ADCY9: variants seen among roughly 807,000 people sequenced by gnomAD.
ADCY9 encodes adenylate cyclase type 9.
In ADCY9, 50 loss-of-function variants were observed where a neutral mutation model predicts 101.5. The observed-to-expected ratio is 0.49, with a 90% CI of 0.39 to 0.62. The LOEUF (loss-of-function observed/expected upper bound fraction) is 0.62, where lower values mean the gene tolerates loss of function less well. Ranked by LOEUF, ADCY9 falls within the 20% of genes least tolerant of loss-of-function variation. The pLI, the probability that ADCY9 is intolerant of heterozygous loss-of-function variation, is 0.00. For synonymous variants in ADCY9, 905 were observed against 769.3 expected, an observed-to-expected ratio of 1.18 and a Z score of -2.92; for missense variants, 1,662 against 1,800.4, an observed-to-expected ratio of 0.92 and a Z score of 1.39.
chr16:4,079,250 T>C (rs766040737), intron 2 of ADCY9, among the ~76,000 whole-genome samples: 5 of 152,160 alleles, frequency 3.3e-5, no homozygotes, highest in Non-Finnish European at 7.3e-5. Flanking sequence ...AAAATCTAAG[T>C]CATTTAAAAT....
At chr16:3,960,663 AC>A (rs2055932365), downstream of ADCY9, among the ~76,000 whole-genome samples, 1 of 152,224 alleles carries the variant, frequency 6.6e-6, no homozygotes, top group African/African-American at 2.4e-5. Context: ...CGGAAAAAAA[AC>A]AATGAAGAAT....
intron 2 of ADCY9, among the ~76,000 whole-genome samples, chr16:4,105,663 G>A (rs987627471): frequency 7.3e-6 from 1 of 136,706 alleles, no homozygotes; most frequent in African/African-American, 2.8e-5. Flanking sequence ...CTGGGCAAGA[G>A]TGAGACTCCG....
chr16:3,987,531 G>A (rs915483944), intron 6 of ADCY9, among the ~76,000 whole-genome samples: 1 of 152,196 alleles, frequency 6.6e-6, no homozygotes, highest in African/African-American at 2.4e-5. Flanking sequence ...CTACAGCATT[G>A]CTATGAGCAT....
intron 2 of ADCY9, chr16:4,032,991 TG>T (rs2056566442): frequency 6.6e-6 from 1 of 152,390 alleles, no homozygotes; most frequent in East Asian, 1.9e-4. Flanking sequence ...CCCCACCACG[TG>T]GCAACCCAAT....
At position 4,060,999 on chromosome 16, in the gene ADCY9, A is replaced by C. The variant is rs148024500; in HGVS notation, c.1693+52751T>G. 2.7e-4 allele frequency among the ~76,000 whole-genome samples: 41 copies of C among 152,246 alleles called. No individual in the cohort carries two copies. In the East Asian group the frequency reaches 7.9e-3, roughly 29 times the overall value. On this transcript the variant is annotated intron_variant, in intron 2 of 10. Coordinates refer to ENST00000294016, the MANE Select transcript of ADCY9 (RefSeq NM_001116.4). ...GAAAGTATGTAACAATGACTCATCAAATAGAGAATACTAATAAAGAGACAG... is the reference window on the plus strand; with the variant it reads ...GAAAGTATGTAACAATGACTCATCACATAGAGAATACTAATAAAGAGACAG...
chr16:3,957,501 G>A (rs2055914095), intron 5 of ADCY9, among the ~76,000 whole-genome samples: 2 of 152,142 alleles, frequency 1.3e-5, no homozygotes, highest in African/African-American at 4.8e-5. Context: ...GGTGATGGCG[G>A]AATGGGGGTG....
chr16:3,962,087 T>C (rs1167854739), downstream of ADCY9, among the ~76,000 whole-genome samples: 2 of 152,158 alleles, frequency 1.3e-5, no homozygotes, highest in Non-Finnish European at 2.9e-5. Context: ...GAAGGGGCTC[T>C]AACCCCTGGA....
At chr16:4,079,641 G>GAATGGTGTTTAATGGTGTT (rs953521308) in intron 2 of ADCY9, among the ~76,000 whole-genome samples, 1 of 152,164 alleles carries the variant, frequency 6.6e-6, no homozygotes, top group East Asian at 1.9e-4. Flanking sequence ...CATGATCCAT[G>GAATGGTGTTTAATGGTGTT]AATGGTGTTT....
At chr16:3,989,176 A>G (rs965812653) in intron 5 of ADCY9, 80 bp from the exon 6 acceptor site, 7 of 1,072,904 alleles carry the variant, frequency 6.5e-6, no homozygotes, top group Admixed American at 3.6e-5. Flanking sequence ...ATTAGCTACC[A>G]AAACGCTGCT....
intron 2 of ADCY9, among the ~76,000 whole-genome samples, chr16:4,110,553 C>G (rs1383292670): frequency 6.6e-6 from 1 of 151,970 alleles, no homozygotes; most frequent in East Asian, 1.9e-4. Context: ...CCACACCAGG[C>G]TAATTTTTGT....
At chr16:3,989,157 C>G (rs2056223280) in intron 5 of ADCY9, 61 bp from the exon 6 acceptor site, 1 of 1,281,502 alleles carries the variant, frequency 7.8e-7, no homozygotes. Flanking sequence ...CCAATGTTTT[C>G]AGATCATAAT....
chr16:4,015,775 TG>T (rs2056434732), intron 2 of ADCY9: 1 of 152,084 alleles, frequency 6.6e-6, no homozygotes, highest in Non-Finnish European at 1.5e-5. Context: ...AAGACCAGCT[TG>T]GCCAACATGG....
At chr16:4,096,416 G>A (rs2057004498) in intron 2 of ADCY9, among the ~76,000 whole-genome samples, 2 of 152,126 alleles carry the variant, frequency 1.3e-5, no homozygotes, top group Non-Finnish European at 2.9e-5. Context: ...CTTGTTAGTG[G>A]AGGAAATGTA....
At chr16:4,069,531 T>C (rs949500782) in intron 2 of ADCY9, among the ~76,000 whole-genome samples, 1 of 152,136 alleles carries the variant, frequency 6.6e-6, no homozygotes, top group African/African-American at 2.4e-5. Context: ...ATATATTCTA[T>C]GAACAATGAA....
rs373239295 is a variant in ADCY9, at chr16:3,972,494, A to G, written c.2870+2175T>C. ...GTGATCCACCTGCCTCAGCCTCCCA[A>G]AGTGTTGGGATTACAGGCGTGAGCC... On this transcript the variant is annotated intron_variant, in intron 10 of 10. Transcript: ENST00000294016. 4.0e-4 allele frequency among the ~76,000 whole-genome samples: 61 copies of G among 152,224 alleles called. 1 individual carries two copies. The East Asian group carries it at 0.011, about 27-fold the overall frequency.
intron 2 of ADCY9, among the ~76,000 whole-genome samples, chr16:4,105,622 G>A (rs554135303): frequency 2.0e-4 from 29 of 147,174 alleles, no homozygotes; most frequent in Non-Finnish European, 3.9e-4. Flanking sequence ...AGAGGTTGCA[G>A]TAAGTTAAGA....
In ADCY9 at chr16:4,035,071, A is replaced by G. The variant is rs111696713; in HGVS notation, c.1694-27513T>C. On this transcript the variant is annotated intron_variant, in intron 2 of 10. Transcript: ENST00000294016. ...CATCCGTCTTCTAGACAAGCCAAAT[A>G]TGGATTAAACGGAGATGTGACACGA... Among the ~76,000 whole-genome samples, 288 of 152,350 alleles carry G rather than the reference A, an allele frequency of 1.9e-3. No homozygotes were observed. In the Middle Eastern group the frequency reaches 0.02, roughly 11 times the overall value.
intron 8 of ADCY9, among the ~76,000 whole-genome samples, chr16:3,978,541 T>TG (rs2056112455): frequency 6.6e-6 from 1 of 151,992 alleles, no homozygotes; most frequent in Non-Finnish European, 1.5e-5. Flanking sequence ...AAATAACTGA[T>TG]TTGGAACTTG....
intron 2 of ADCY9, among the ~76,000 whole-genome samples, chr16:4,042,579 A>G (rs539657361): frequency 6.6e-6 from 1 of 152,278 alleles, no homozygotes; most frequent in African/African-American, 2.4e-5. Context: ...ATTCCATTCA[A>G]TTGTTGGTTG....
Sources: gnomAD v4.1 joint callset for allele counts (sites outside exome capture counted in the v4.1 genomes callset) on GRCh38, gnomAD v4.1.1 for gene constraint, MANE v1.5 for transcripts, NCBI Gene and HGNC (gene_info 2026-07-23, HGNC 2026-07-21) for gene names.